FAM184B: variants seen among roughly 807,000 people sequenced by gnomAD.
The protein encoded by FAM184B is protein FAM184B.
A neutral mutation model predicts 135.9 loss-of-function variants in FAM184B; 111 were observed. That is an observed-to-expected ratio of 0.82 (90% CI 0.70 to 0.96). FAM184B has a LOEUF of 0.96. FAM184B is among the 40% of genes least tolerant of loss of function. The pLI, the probability that FAM184B is intolerant of heterozygous loss-of-function variation, is 0.00. For synonymous variants in FAM184B, 552 were observed against 524.8 expected (o/e 1.05, Z -0.71); for missense variants, 1,375 against 1,323.9 (o/e 1.04, Z -0.60).
chr4:17,721,607 A>G (rs1717532994), intron 1 of FAM184B, among the ~76,000 whole-genome samples: 1 of 152,110 alleles, frequency 6.6e-6, no homozygotes, highest in African/African-American at 2.4e-5. Context: ...GCCGAGGTGA[A>G]GGGCATTGGC....
intron 5 of FAM184B, among the ~76,000 whole-genome samples, chr4:17,696,005 G>C (rs934485601): frequency 6.6e-6 from 1 of 152,154 alleles, no homozygotes; most frequent in East Asian, 1.9e-4. Flanking sequence ...ATATCCAGCA[G>C]GTATTTGTAG....
intron 7 of FAM184B, among the ~76,000 whole-genome samples, chr4:17,681,396 A>G (rs934307004): frequency 6.6e-6 from 1 of 152,158 alleles, no homozygotes; most frequent in African/African-American, 2.4e-5. Flanking sequence ...CCTGCCCTAC[A>G]CTGTCTTCCC....
intron 1 of FAM184B, among the ~76,000 whole-genome samples, chr4:17,766,004 G>A (rs1457982255): frequency 2.0e-5 from 3 of 152,148 alleles, no homozygotes; most frequent in Admixed American, 2.0e-4. Flanking sequence ...GATCTAACTG[G>A]CTTCAACAGT....
chr4:17,739,410 A>G (rs1717975278), intron 1 of FAM184B, among the ~76,000 whole-genome samples: 1 of 151,896 alleles, frequency 6.6e-6, no homozygotes, highest in Non-Finnish European at 1.5e-5. Context: ...CAACATCTCC[A>G]CAGGTGTTCA....
chr4:17,775,749 A>C (rs1718912871), intron 1 of FAM184B, among the ~76,000 whole-genome samples: 1 of 152,208 alleles, frequency 6.6e-6, no homozygotes, highest in Non-Finnish European at 1.5e-5. Flanking sequence ...TCAGGAAGAG[A>C]AAGTCAAATA....
At chr4:17,636,681 C>CA in intron 14 of FAM184B, 36 bp from the exon 15 acceptor site, 1 of 1,414,162 alleles carries the variant, frequency 7.1e-7, no homozygotes, top group Non-Finnish European at 9.6e-7. Flanking sequence ...GTCCCCCTTA[C>CA]AGCAATTACT....
At chr4:17,678,816 G>T (rs1716375340) in intron 7 of FAM184B, among the ~76,000 whole-genome samples, 1 of 152,046 alleles carries the variant, frequency 6.6e-6, no homozygotes, top group African/African-American at 2.4e-5. Flanking sequence ...GCATGGTACT[G>T]GTATAAAAAC....
chr4:17,717,714 A>AT (rs1359661710), intron 1 of FAM184B, among the ~76,000 whole-genome samples: 1 of 152,124 alleles, frequency 6.6e-6, no homozygotes, highest in East Asian at 1.9e-4. Context: ...CAAGGCTCTA[A>AT]TTAATGGCTT....
intron 1 of FAM184B, among the ~76,000 whole-genome samples, chr4:17,763,180 A>G (rs141599011): frequency 2.0e-5 from 3 of 152,218 alleles, no homozygotes; most frequent in East Asian, 1.9e-4. Context: ...CTAAGTCACA[A>G]TGAGGAGACT....
In FAM184B at chr4:17,781,326, T is replaced by C; in HGVS notation, c.-27A>G. On this transcript the variant is annotated 5_prime_UTR_variant, in exon 1 of 18. Coordinates refer to ENST00000265018, the MANE Select transcript of FAM184B (RefSeq NM_015688.2). The surrounding 1 kb of genome is among the most constrained non-coding windows in gnomAD (Gnocchi z 6.5). ...GCTAAAACGCGCCCAGCACTCAGAC[T>C]CTCTCGTTTTCTCCCTGCCCACCGT... is the stretch of plus-strand genomic sequence containing the variant. 1.3e-6 allele frequency: 2 copies of C among 1,497,090 alleles called. No individual in the cohort carries two copies. Among genetic ancestry groups the C allele is most frequent in the South Asian group, 2.5e-5 (2 of 79,316 alleles). 92.7% of individuals were successfully genotyped at this position (1,497,090 alleles called of 1,614,324 possible).
rs949627387 is a variant in FAM184B at position 17,632,015 on chromosome 4, G to A, written c.*517C>T. 2 of 141,354 alleles carry A rather than the reference G, an allele frequency of 1.4e-5. No homozygotes were observed. The highest frequency in any genetic ancestry group is 5.3e-5 in the African/African-American group (2 of 37,398). The allele number at this position is 141,354 out of a possible 1,614,324, so 8.8% of individuals were successfully genotyped here. On this transcript the variant is annotated 3_prime_UTR_variant, in exon 18 of 18. Transcript: ENST00000265018. ...ACGCTAATAACATTTTCCTATAGAT[G>A]ACTTTTAATAACACTGGTTTAATGT...
intron 1 of FAM184B, among the ~76,000 whole-genome samples, chr4:17,775,450 G>T (rs2108999455): frequency 6.6e-6 from 1 of 152,320 alleles, no homozygotes; most frequent in Non-Finnish European, 1.5e-5. Context: ...CTCCCAAACT[G>T]CTGGGATTAC....
rs111615179 is a variant in FAM184B, at chr4:17,778,074, GA to G, written c.141+3084del. Among the ~76,000 whole-genome samples the G allele has an allele frequency of 5.0e-3, 628 of 126,366 alleles. 1 individual carries two copies. Among genetic ancestry groups the G allele is most frequent in the East Asian group, 0.014 (61 of 4,360 alleles). 82.9% of individuals were successfully genotyped at this position (126,366 alleles called of 152,430 possible). The stretch of plus-strand genomic sequence containing the variant: ...TGACGTAGTGAGACACTGTCTCAAA[GA>G]AAAAAAAAAAAAGTACCTCCTCCTT... On this transcript the variant is annotated intron_variant, in intron 1 of 17. Transcript: ENST00000265018.
chr4:17,735,239 A>G (rs1008307398), intron 1 of FAM184B, among the ~76,000 whole-genome samples: 10 of 152,120 alleles, frequency 6.6e-5, no homozygotes, highest in African/African-American at 2.2e-4. Context: ...CTAAATGACG[A>G]GTTAATGGAT....
rs1047684348 is a variant in FAM184B at position 17,698,076 on chromosome 4, A to G, written c.1378-4664T>C. Among the ~76,000 whole-genome samples, 135 of 151,642 alleles carry G rather than the reference A, an allele frequency of 8.9e-4. 4 individuals are homozygous for G. Among genetic ancestry groups the G allele is most frequent in the Non-Finnish European group, 8.8e-5 (6 of 67,962 alleles). On this transcript the variant is annotated intron_variant, in intron 5 of 17. Transcript: ENST00000265018. ...GAAAATTCCCTTAACTCAGGTAAAG[A>G]GAAAAAAAAAAACAAACAAAAAAAC...
intron 5 of FAM184B, among the ~76,000 whole-genome samples, chr4:17,694,487 C>T (rs1426932344): frequency 6.7e-6 from 1 of 149,820 alleles, no homozygotes; most frequent in Admixed American, 6.7e-5. Flanking sequence ...GGTGCCACTG[C>T]ACTCCAGCCT....
At chr4:17,774,955 C>T (rs1265351433) in intron 1 of FAM184B, among the ~76,000 whole-genome samples, 1 of 148,174 alleles carries the variant, frequency 6.7e-6, no homozygotes, top group East Asian at 2.0e-4. Flanking sequence ...AGATCAGCTT[C>T]GATGTGCATT....
chr4:17,658,491 CTGCTTGAG>C lies in FAM184B; in HGVS notation c.1888_1895del (p.Leu630AlafsTer12), dbSNP rs2108941123. The C allele has an allele frequency of 6.4e-7, 1 of 1,551,570 alleles. No homozygotes were observed. Among genetic ancestry groups the C allele is most frequent in the African/African-American group, 1.4e-5 (1 of 73,170 alleles). ...GCTTCTCCCTCTCCAGGTCCGAGAG[CTGCTTGAG>C]TGCCTGCAGGTCCTCCCTGTAGTTG... On this transcript the variant is annotated frameshift_variant, in exon 10 of 18. Transcript: ENST00000265018. LOFTEE classifies it high-confidence loss of function.
intron 12 of FAM184B, among the ~76,000 whole-genome samples, chr4:17,646,322 A>G (rs2108933472): frequency 6.6e-6 from 1 of 152,274 alleles, no homozygotes; most frequent in African/African-American, 2.4e-5. Context: ...AAGACCTGGA[A>G]CCAACCCAAG....
Sources: gnomAD v4.1 joint callset for allele counts (sites outside exome capture counted in the v4.1 genomes callset) on GRCh38, gnomAD v4.1.1 for gene constraint, Gnocchi (gnomAD v3.1) non-coding constraint, MANE v1.5 for transcripts, NCBI Gene and HGNC (gene_info 2026-07-23, HGNC 2026-07-21) for gene names.